The following PIEZO2 variants were observed in gnomAD, a reference collection of about 807,000 sequenced individuals.
PIEZO2 encodes the protein piezo-type mechanosensitive ion channel component 2.
A neutral mutation model predicts 337.3 loss-of-function variants in PIEZO2; 172 were observed. That is an observed-to-expected ratio of 0.51 (90% CI 0.45 to 0.58). The LOEUF (loss-of-function observed/expected upper bound fraction) is 0.58, where lower values mean the gene tolerates loss of function less well. Among genes scored for constraint, PIEZO2 ranks in the 20% least tolerant of loss-of-function variants. The pLI is 0.00. For missense variants in PIEZO2, 3,028 were observed against 3,391.3 expected, an observed-to-expected ratio of 0.89 and a Z score of 2.66; for synonymous variants, 1,251 against 1,228.5, an observed-to-expected ratio of 1.02 and a Z score of -0.38.
intron 9 of PIEZO2, among the ~76,000 whole-genome samples, chr18:10,802,085 CAAAAAAAA>C (rs58924448): frequency 1.0e-5 from 1 of 96,630 alleles, no homozygotes; most frequent in Non-Finnish European, 2.0e-5. Context: ...GACTCCGTCT[CAAAAAAAA>C]AAAAAAAAAA....
chr18:10,681,982 C>T lies in PIEZO2; in HGVS notation c.7686+122G>A, dbSNP rs570172887. 35 of 1,012,008 alleles carry T rather than the reference C, an allele frequency of 3.5e-5. No individual in the cohort carries two copies. In the African/African-American group the frequency reaches 5.2e-4, roughly 15 times the overall value. 62.7% of individuals were successfully genotyped at this position (1,012,008 alleles called of 1,614,324 possible). ...ACCTTATTCATACATCAAGTATTTG[C>T]TGAGCAGTCAAATGCCGACAGCAGG... On this transcript the variant is annotated intron_variant, in intron 50 of 55. Transcript: ENST00000674853.
intron 1 of PIEZO2, among the ~76,000 whole-genome samples, chr18:11,142,939 T>TG (rs2040697958): frequency 1.3e-5 from 2 of 151,952 alleles, no homozygotes; most frequent in Non-Finnish European, 2.9e-5. Context: ...ATTAGCCGGG[T>TG]GTGGTGGCAC....
intron 2 of PIEZO2, among the ~76,000 whole-genome samples, chr18:10,990,009 T>C (rs2035030053): frequency 6.6e-6 from 1 of 152,138 alleles, no homozygotes; most frequent in African/African-American, 2.4e-5. Flanking sequence ...TACCACATTA[T>C]TGTGTGTAGG....
At chr18:11,044,988 A>AT in intron 2 of PIEZO2, among the ~76,000 whole-genome samples, 1 of 151,664 alleles carries the variant, frequency 6.6e-6, no homozygotes, top group Non-Finnish European at 1.5e-5. Context: ...ATTTCTAAAA[A>AT]TTTTTTTTAA....
intron 4 of PIEZO2, among the ~76,000 whole-genome samples, chr18:10,907,491 AAG>A (rs2030061365): frequency 6.6e-6 from 1 of 152,142 alleles, no homozygotes; most frequent in Non-Finnish European, 1.5e-5. Context: ...GTTGAGATGA[AAG>A]CACTGTGAGA....
At position 10,759,781 on chromosome 18, in the gene PIEZO2, C is replaced by T; in HGVS notation, c.3579G>A (p.Lys1193=). 1 of 1,537,328 alleles carries T rather than the reference C, an allele frequency of 6.5e-7. No homozygotes were observed. Among genetic ancestry groups the T allele is most frequent in the Non-Finnish European group, 8.7e-7 (1 of 1,146,926 alleles). Residue 1193 remains lysine (K), a synonymous_variant, in exon 25 of 56, where the codon AAG becomes AAA. Coordinates refer to ENST00000674853, the MANE Select transcript of PIEZO2 (RefSeq NM_001378183.1). The surrounding 1 kb of genome is among the most constrained non-coding windows in gnomAD (Gnocchi z 5.5). The stretch of plus-strand genomic sequence containing the variant: ...TGATGCATGCCAGGAAGCAGCAGTA[C>T]TTGGGCCAGATCTCTGCGATGGCTT... ...RRKAIAEIWP[K]YCCFLACIIT... is the part of the protein sequence containing the mutation.
At chr18:10,804,582 T>C (rs956470428) in intron 8 of PIEZO2, among the ~76,000 whole-genome samples, 1 of 152,216 alleles carries the variant, frequency 6.6e-6, no homozygotes, top group South Asian at 2.1e-4. Flanking sequence ...GCATCACTGA[T>C]ACTGGAGTGG....
Position 10,824,668 on chromosome 18 carries a change from T to A in PIEZO2, c.918-17394A>T, listed in dbSNP as rs60111490. Among the ~76,000 whole-genome samples, 1 of 152,170 alleles carries A rather than the reference T, an allele frequency of 6.6e-6. No individual in the cohort carries two copies. Among genetic ancestry groups the A allele is most frequent in the Non-Finnish European group, 1.5e-5 (1 of 68,016 alleles). ...CCAAGATATATTTCAAGTGTTTTTT[T>A]AAATTTTAGAACAATTTTAAATTTA... On this transcript the variant is annotated intron_variant, in intron 7 of 55. Transcript: ENST00000674853. This position sits in a 1 kb window ranked among gnomAD's most constrained non-coding sequence, Gnocchi z 4.4.
chr18:10,671,775 T>A lies in PIEZO2; in HGVS notation c.8350A>T (p.Met2784Leu), dbSNP rs1257984763. The A allele has an allele frequency of 6.2e-7, 1 of 1,603,454 alleles. No individual in the cohort carries two copies. Among genetic ancestry groups the A allele is most frequent in the Non-Finnish European group, 8.5e-7 (1 of 1,174,478 alleles). Residue 2784 changes from methionine (M) to leucine (L), a missense_variant, in exon 56 of 56, where the codon ATG (methionine) becomes TTG (leucine). Coordinates refer to ENST00000674853, the MANE Select transcript of PIEZO2 (RefSeq NM_001378183.1). ...SLGFLAGYGI[M>L]GLYASVVLVI... Reference sequence around the variant, plus strand: ...AGGACAACTGAAGCATATAATCCCATAATACTGAAAAAAACAGTAAGTAGA... The same window carrying A: ...AGGACAACTGAAGCATATAATCCCAAAATACTGAAAAAAACAGTAAGTAGA...
In PIEZO2 at chr18:10,940,855, C is replaced by T. The variant is rs1013094959; in HGVS notation, c.287-29627G>A. On this transcript the variant is annotated intron_variant, in intron 3 of 55. Coordinates refer to ENST00000674853, the MANE Select transcript of PIEZO2 (RefSeq NM_001378183.1). This position sits in a 1 kb window ranked among gnomAD's most constrained non-coding sequence, Gnocchi z 5.3. ...CCAGCCTGGCTACAGAGCAAGGCTC[C>T]ATCTCAAAAAAAAAAAAGAATTCAG... 6.0e-5 allele frequency among the ~76,000 whole-genome samples: 9 copies of T among 149,610 alleles called. No individual in the cohort carries two copies. Among genetic ancestry groups the T allele is most frequent in the Middle Eastern group, 3.4e-3 (1 of 292 alleles).
In PIEZO2 at chr18:10,807,095, A is replaced by T; in HGVS notation, c.1080+17T>A. ...GTTACTTTGCAGACAAGATCATGAA[A>T]ATGTTTTTGTCCTTACAAGGGGCTC... On this transcript the variant is annotated intron_variant, in intron 8 of 55. Coordinates refer to ENST00000674853, the MANE Select transcript of PIEZO2 (RefSeq NM_001378183.1). The T allele has an allele frequency of 1.3e-6, 2 of 1,528,048 alleles. No individual in the cohort carries two copies. The highest frequency in any genetic ancestry group is 1.8e-6 in the Non-Finnish European group (2 of 1,139,732). 94.7% of individuals were successfully genotyped at this position (1,528,048 alleles called of 1,614,324 possible).
Position 10,767,938 on chromosome 18 carries a change from A to G in PIEZO2, c.2946+2210T>C, listed in dbSNP as rs939502669. Among the ~76,000 whole-genome samples the G allele has an allele frequency of 1.3e-5, 2 of 152,332 alleles. 1 individual carries two copies. The highest frequency in any genetic ancestry group is 4.1e-4 in the South Asian group (2 of 4,832). On this transcript the variant is annotated intron_variant, in intron 21 of 55. Coordinates refer to ENST00000674853, the MANE Select transcript of PIEZO2 (RefSeq NM_001378183.1). This position sits in a 1 kb window ranked among gnomAD's most constrained non-coding sequence, Gnocchi z 4.2. Reference sequence around the variant, plus strand: ...AGTTGCCAGCCCAGAGCGTGAGGCCATCATGGGATGGCACAGGCCAAGTCA... The same window carrying G: ...AGTTGCCAGCCCAGAGCGTGAGGCCGTCATGGGATGGCACAGGCCAAGTCA...
chr18:10,790,470 A>C (rs1162434060), intron 14 of PIEZO2, among the ~76,000 whole-genome samples: 1 of 152,192 alleles, frequency 6.6e-6, no homozygotes, highest in Non-Finnish European at 1.5e-5. Flanking sequence ...AGCTGTTCTT[A>C]TTTTACCTAT....
At chr18:10,681,796 T>G in intron 50 of PIEZO2, 43 bp from the exon 51 acceptor site, 3 of 1,467,388 alleles carry the variant, frequency 2.0e-6, no homozygotes, top group Non-Finnish European at 2.9e-6. Context: ...TCCCCAGCTC[T>G]TCTCTGCATC....
At position 10,892,078 on chromosome 18, in the gene PIEZO2, A is replaced by T. The variant is rs370763677; in HGVS notation, c.329+19108T>A. 3.9e-5 allele frequency among the ~76,000 whole-genome samples: 6 copies of T among 152,286 alleles called. No homozygotes were observed. The East Asian group carries it at 9.7e-4, about 25-fold the overall frequency. ...ACTCCTAGAGTGAAAGAAAAATATG[A>T]TGTCCACACAACCACCTGCCTGCAA... On this transcript the variant is annotated intron_variant, in intron 4 of 55. Coordinates refer to ENST00000674853, the MANE Select transcript of PIEZO2 (RefSeq NM_001378183.1).
chr18:11,082,463 A>G (rs940448313), intron 1 of PIEZO2, among the ~76,000 whole-genome samples: 10 of 151,676 alleles, frequency 6.6e-5, no homozygotes, highest in African/African-American at 2.4e-4. Context: ...GACTACAGGC[A>G]CCCGCCACCA....
Position 11,149,416 on chromosome 18 carries a change from T to C in PIEZO2, c.-828A>G, listed in dbSNP as rs1405431275. The stretch of plus-strand genomic sequence containing the variant: ...CCAGAGCGCATATCGGGTGAGTGGG[T>C]CTCCCACTCCCTCCTCCACCGCCTC... On this transcript the variant is annotated 5_prime_UTR_variant, in exon 1 of 56. Transcript: ENST00000674853. This position sits in a 1 kb window ranked among gnomAD's most constrained non-coding sequence, Gnocchi z 8.7. Among the ~76,000 whole-genome samples the C allele has an allele frequency of 2.0e-5, 3 of 151,362 alleles. No homozygotes were observed. The highest frequency in any genetic ancestry group is 6.6e-5 in the Admixed American group (1 of 15,206).
At chr18:10,679,260 A>T (rs1172544300) in intron 52 of PIEZO2, among the ~76,000 whole-genome samples, 1 of 152,016 alleles carries the variant, frequency 6.6e-6, no homozygotes, top group African/African-American at 2.4e-5. Flanking sequence ...TTTAGACCAA[A>T]CTTCAGCCTT....
chr18:10,753,509 C>A (rs539228044), intron 27 of PIEZO2, among the ~76,000 whole-genome samples: 1 of 152,316 alleles, frequency 6.6e-6, no homozygotes, highest in African/African-American at 2.4e-5. Flanking sequence ...CAACAAGCAG[C>A]AGCTCTAGCC....
Sources: allele counts gnomAD v4.1 joint callset (sites outside exome capture counted in the v4.1 genomes callset), GRCh38; gene constraint gnomAD v4.1.1; non-coding constraint Gnocchi (gnomAD v3.1); transcripts MANE v1.5; gene names NCBI Gene and HGNC (gene_info 2026-07-23, HGNC 2026-07-21).